Variants in ACSS2 observed in about 807,000 individuals in gnomAD.
ACSS2 encodes acyl-CoA synthetase short chain family member 2.
In ACSS2, 58 loss-of-function variants were observed where a neutral mutation model predicts 90.6. The observed-to-expected ratio is 0.64, with a 90% confidence interval of 0.52 to 0.80. The LOEUF (loss-of-function observed/expected upper bound fraction) is 0.80. ACSS2 is among the 30% of genes least tolerant of loss of function. The pLI is 0.00. For synonymous variants in ACSS2, 300 were observed against 330.9 expected, an observed-to-expected ratio of 0.91 and a Z score of 1.01; for missense variants, 759 against 912.0, an observed-to-expected ratio of 0.83 and a Z score of 2.16.
chr20:34,898,726 C>G (rs191594270), intron 2 of ACSS2, among the ~76,000 whole-genome samples: 109 of 152,366 alleles, frequency 7.2e-4, no homozygotes, highest in Middle Eastern at 6.8e-3. Context: ...ACTCAGGAGC[C>G]CAGCTGGCTT....
intron 2 of ACSS2, among the ~76,000 whole-genome samples, chr20:34,883,412 A>T (rs1368439406): frequency 6.6e-6 from 1 of 152,252 alleles, no homozygotes; most frequent in East Asian, 1.9e-4. Context: ...TTTGATGCTT[A>T]TAATAATTAT....
At chr20:34,907,861 TTAAAGC>T (rs2080846784) in intron 2 of ACSS2, among the ~76,000 whole-genome samples, 1 of 152,130 alleles carries the variant, frequency 6.6e-6, no homozygotes, top group African/African-American at 2.4e-5. Flanking sequence ...CCTAGGAGGG[TTAAAGC>T]CTACTGACTC....
At chr20:34,893,655 G>A (rs1186661558) in intron 2 of ACSS2, 1 of 151,288 alleles carries the variant, frequency 6.6e-6, no homozygotes, top group Non-Finnish European at 1.5e-5. Context: ...CCAAAGTGCT[G>A]GGATCACAGA....
chr20:34,926,039 C>T lies in ACSS2; in HGVS notation c.1727-66C>T. 2.6e-6 allele frequency: 4 copies of T among 1,555,120 alleles called. No individual in the cohort carries two copies. In the South Asian group the frequency reaches 4.5e-5, roughly 17 times the overall value. Reference sequence around the variant, plus strand: ...CCAGACCAGGACTGCCCCATGGGTACAGATGGAGCATGGGCTGGGGCAGAG... The same window carrying T: ...CCAGACCAGGACTGCCCCATGGGTATAGATGGAGCATGGGCTGGGGCAGAG... On this transcript the variant is annotated intron_variant, in intron 15 of 17. Transcript: ENST00000360596.
intron 1 of ACSS2, among the ~76,000 whole-genome samples, chr20:34,882,215 G>C (rs1209494934): frequency 2.0e-5 from 3 of 152,172 alleles, no homozygotes; most frequent in African/African-American, 7.2e-5. Flanking sequence ...CATTGTGCTA[G>C]TACTAGGTGG....
At chr20:34,893,242 C>T (rs1225410034) in intron 2 of ACSS2, among the ~76,000 whole-genome samples, 1 of 151,878 alleles carries the variant, frequency 6.6e-6, no homozygotes, top group Non-Finnish European at 1.5e-5. Context: ...CACTCTGTTG[C>T]TCAGGCTGGA....
At chr20:34,881,680 A>G (rs1002435116) in intron 1 of ACSS2, among the ~76,000 whole-genome samples, 2 of 152,138 alleles carry the variant, frequency 1.3e-5, no homozygotes, top group African/African-American at 4.8e-5. Context: ...TTCATCTTTC[A>G]GATTTTAGCA....
Position 34,927,057 on chromosome 20 carries a change from C to T in ACSS2, c.1979-30C>T, listed in dbSNP as rs369011568. The T allele has an allele frequency of 1.2e-5, 19 of 1,613,934 alleles. No individual in the cohort carries two copies. The highest frequency in any genetic ancestry group is 1.6e-5 in the Non-Finnish European group (19 of 1,180,004). ...GGGCTAGGGTGGGTCAGTGCTTTCA[C>T]CAAGTAACTAGAGGTCTGTGGTTCC... is the stretch of plus-strand genomic sequence containing the variant. On this transcript the variant is annotated intron_variant, in intron 17 of 17. Coordinates refer to ENST00000360596, the MANE Select transcript of ACSS2 (RefSeq NM_018677.4). The surrounding 1 kb of genome is among the most constrained non-coding windows in gnomAD (Gnocchi z 4.2).
chr20:34,915,768 T>A (rs925495539), intron 7 of ACSS2, among the ~76,000 whole-genome samples: 12 of 152,226 alleles, frequency 7.9e-5, no homozygotes, highest in Admixed American at 7.9e-4. Flanking sequence ...CTTTGTAATA[T>A]GATTAAGTGC....
chr20:34,920,838 C>T (rs1201336094), intron 9 of ACSS2, 129 bp downstream of exon 9: 1 of 1,457,534 alleles, frequency 6.9e-7, no homozygotes, highest in African/African-American at 1.4e-5. Flanking sequence ...AAAGAGAAGT[C>T]CTGAGGGGGT....
intron 2 of ACSS2, among the ~76,000 whole-genome samples, chr20:34,906,573 A>G (rs2080811825): frequency 6.6e-6 from 1 of 152,032 alleles, no homozygotes; most frequent in Admixed American, 6.6e-5. Context: ...CACGGTTGGA[A>G]GTGGGCTCAA....
rs1444902587 is a variant in ACSS2, at chr20:34,927,069, A to G, written c.1979-18A>G. On this transcript the variant is annotated intron_variant, in intron 17 of 17. Coordinates refer to ENST00000360596, the MANE Select transcript of ACSS2 (RefSeq NM_018677.4). The surrounding 1 kb of genome is among the most constrained non-coding windows in gnomAD (Gnocchi z 4.2). Reference sequence around the variant, plus strand: ...GTCAGTGCTTTCACCAAGTAACTAGAGGTCTGTGGTTCCCCAGGGAAAATC... The same window carrying G: ...GTCAGTGCTTTCACCAAGTAACTAGGGGTCTGTGGTTCCCCAGGGAAAATC... 3 of 1,613,980 alleles carry G rather than the reference A, an allele frequency of 1.9e-6. No individual in the cohort carries two copies. In the African/African-American group the frequency reaches 4.0e-5, roughly 22 times the overall value.
rs746935094 is a variant in ACSS2 at position 34,919,434 on chromosome 20, G to A, written c.835-1G>A. ...CAGTTCTTCCCTGCCCATCCCTGCA[G>A]ATCTCATGGAACCAAGGGATTGACT... On this transcript the variant is annotated splice_acceptor_variant, in intron 7 of 17. Coordinates refer to ENST00000360596, the MANE Select transcript of ACSS2 (RefSeq NM_018677.4). LOFTEE classifies it high-confidence loss of function. 3 of 1,613,712 alleles carry A rather than the reference G, an allele frequency of 1.9e-6. No homozygotes were observed. In the African/African-American group the frequency reaches 4.0e-5, roughly 22 times the overall value.
At chr20:34,890,231 A>T (rs964987351) in intron 2 of ACSS2, among the ~76,000 whole-genome samples, 4 of 152,220 alleles carry the variant, frequency 2.6e-5, no homozygotes, top group Admixed American at 6.5e-5. Context: ...CCTAGTCTAT[A>T]TAAACACTGC....
Position 34,925,683 on chromosome 20 carries a change from T to C in ACSS2, c.1658-15T>C. Reference sequence around the variant, plus strand: ...CGTAGGGTTTTTATTTATTAGGTTTTGCATTTCTTCCCAGGCTGCCAGCGG... The same window carrying C: ...CGTAGGGTTTTTATTTATTAGGTTTCGCATTTCTTCCCAGGCTGCCAGCGG... On this transcript the variant is annotated splice_polypyrimidine_tract_variant and intron_variant, in intron 14 of 17. Coordinates refer to ENST00000360596, the MANE Select transcript of ACSS2 (RefSeq NM_018677.4). 6.2e-7 allele frequency: 1 copy of C among 1,610,690 alleles called. No individual in the cohort carries two copies. Among genetic ancestry groups the C allele is most frequent in the Non-Finnish European group, 8.5e-7 (1 of 1,178,516 alleles).
At chr20:34,923,221 T>C (rs1228025410) in intron 13 of ACSS2, 102 bp from the exon 14 acceptor site, 14 of 839,244 alleles carry the variant, frequency 1.7e-5, no homozygotes, top group Non-Finnish European at 2.8e-5. Flanking sequence ...CCAAAGCCTG[T>C]ACTTCATTCA....
At chr20:34,916,767 A>G (rs1240441867) in intron 7 of ACSS2, among the ~76,000 whole-genome samples, 1 of 152,034 alleles carries the variant, frequency 6.6e-6, no homozygotes, top group African/African-American at 2.4e-5. Flanking sequence ...TTATCCTTAA[A>G]CAATCTTCCA....
chr20:34,915,194 C>T (rs780305253), intron 7 of ACSS2: 1 of 1,613,868 alleles, frequency 6.2e-7, no homozygotes, highest in Non-Finnish European at 8.5e-7. Context: ...CCTCACTACC[C>T]TTTTCATCCT....
intron 2 of ACSS2, among the ~76,000 whole-genome samples, chr20:34,902,314 A>G (rs1310167560): frequency 6.6e-6 from 1 of 152,208 alleles, no homozygotes; most frequent in Non-Finnish European, 1.5e-5. Flanking sequence ...AATTCTATTA[A>G]TAATATTAAC....
Sources: gnomAD v4.1 joint callset for allele counts (sites outside exome capture counted in the v4.1 genomes callset) on GRCh38, gnomAD v4.1.1 for gene constraint, Gnocchi (gnomAD v3.1) non-coding constraint, MANE v1.5 for transcripts, NCBI Gene and HGNC (gene_info 2026-07-23, HGNC 2026-07-21) for gene names.